Variants in GYPC observed in about 807,000 individuals in gnomAD.
The protein encoded by GYPC is glycophorin C (Gerbich blood group).
In GYPC, 14 loss-of-function variants were observed where a neutral mutation model predicts 12.6. The ratio of observed to expected loss-of-function variants is 1.11; its 90% CI spans 0.74 to 1.74. The LOEUF is 1.74. Among genes scored for constraint, GYPC ranks in the 40% most tolerant of loss-of-function variants. The pLI, the probability that GYPC is intolerant of heterozygous loss-of-function variation, is 0.00. For synonymous variants in GYPC, 78 were observed against 62.1 expected (o/e 1.26, Z -1.20); for missense variants, 225 against 172.1 (o/e 1.31, Z -1.72).
At chr2:126,680,858 G>A (rs1277979628) in intron 1 of GYPC, among the ~76,000 whole-genome samples, 1 of 152,206 alleles carries the variant, frequency 6.6e-6, no homozygotes, top group Non-Finnish European at 1.5e-5. Flanking sequence ...AGAGAGGGTG[G>A]TCATGGTCCT....
intron 1 of GYPC, among the ~76,000 whole-genome samples, chr2:126,677,210 T>C (rs1178022718): frequency 6.6e-6 from 1 of 151,996 alleles, no homozygotes; most frequent in Non-Finnish European, 1.5e-5. Flanking sequence ...TGTGCATGTG[T>C]GCCTGTGTGT....
At position 126,656,271 on chromosome 2, in the gene GYPC, C is replaced by G; in HGVS notation, c.8C>G (p.Ser3Trp). ...CCGGGCTGACGCCCAGGAATGTGGT[C>G]GACGAGAAGCCCCAACAGCACGGCG... MW[S>W]TRSPNSTAWP... Residue 3 changes from serine (S) to tryptophan (W), a missense_variant, in exon 1 of 4, where the codon TCG becomes TGG. Physicochemically the swap from Ser to Trp is radical, Grantham distance 177. Coordinates refer to ENST00000259254, the MANE Select transcript of GYPC (RefSeq NM_002101.5). 7 of 1,603,522 alleles carry G rather than the reference C, an allele frequency of 4.4e-6. No individual in the cohort carries two copies. Among genetic ancestry groups the G allele is most frequent in the Non-Finnish European group, 5.1e-6 (6 of 1,176,670 alleles).
rs555454028 is a variant in GYPC, at chr2:126,695,110, G to C, written c.191-836G>C. ...CAGGAGGGAATGGGAGCAGGGTAGG[G>C]TGAGGAGCAGCCATCAGGCCATTGA... On this transcript the variant is annotated intron_variant, in intron 3 of 3. Transcript: ENST00000259254. Among the ~76,000 whole-genome samples, 274 of 152,308 alleles carry C rather than the reference G, an allele frequency of 1.8e-3. 2 individuals are homozygous for C. The highest frequency in any genetic ancestry group is 5.9e-3 in the African/African-American group (244 of 41,560).
intron 1 of GYPC, among the ~76,000 whole-genome samples, chr2:126,662,477 A>G (rs1682560512): frequency 2.0e-5 from 3 of 152,108 alleles, no homozygotes; most frequent in African/African-American, 7.2e-5. Context: ...AAATCTGAGG[A>G]TGAGGTTTTG....
intron 2 of GYPC, among the ~76,000 whole-genome samples, chr2:126,691,124 C>T (rs1379978094): frequency 6.6e-6 from 1 of 152,116 alleles, no homozygotes; most frequent in Non-Finnish European, 1.5e-5. Context: ...GGAAATTGTT[C>T]TATAAAGGTG....
intron 1 of GYPC, among the ~76,000 whole-genome samples, chr2:126,676,637 A>G (rs1011350979): frequency 1.3e-5 from 2 of 152,204 alleles, no homozygotes; most frequent in African/African-American, 4.8e-5. Context: ...TTGGGCAAAT[A>G]TAAATCACAA....
chr2:126,679,177 G>A (rs1683092367), intron 1 of GYPC, among the ~76,000 whole-genome samples: 4 of 152,130 alleles, frequency 2.6e-5, no homozygotes, highest in Admixed American at 1.3e-4. Context: ...TACCTCGAAG[G>A]GCACCCAAAT....
At chr2:126,676,912 C>T (rs910704599) in intron 1 of GYPC, among the ~76,000 whole-genome samples, 13 of 152,146 alleles carry the variant, frequency 8.5e-5, no homozygotes. Context: ...AGCTTCTTTC[C>T]TGCCCTGATA....
At chr2:126,668,307 TG>T (rs1682743016) in intron 1 of GYPC, among the ~76,000 whole-genome samples, 2 of 152,224 alleles carry the variant, frequency 1.3e-5, no homozygotes, top group Admixed American at 1.3e-4. Flanking sequence ...GAATAAGGCC[TG>T]GTGGCCACAC....
intron 2 of GYPC, among the ~76,000 whole-genome samples, chr2:126,691,616 G>A (rs1220133536): frequency 6.6e-6 from 1 of 152,108 alleles, no homozygotes; most frequent in East Asian, 1.9e-4. Flanking sequence ...CCTGTATAGT[G>A]TACATACAGC....
chr2:126,656,500 G>A (rs1682360540), intron 1 of GYPC, among the ~76,000 whole-genome samples, 188 bp downstream of exon 1: 1 of 152,310 alleles, frequency 6.6e-6, no homozygotes, highest in African/African-American at 2.4e-5. Context: ...TGGGCTGCGC[G>A]GAGTCCCTGT....
intron 1 of GYPC, among the ~76,000 whole-genome samples, chr2:126,662,359 T>C (rs1425296084): frequency 1.3e-5 from 2 of 152,208 alleles, no homozygotes; most frequent in Non-Finnish European, 2.9e-5. Flanking sequence ...ACACAGGCCT[T>C]AGCAATGCTT....
intron 1 of GYPC, among the ~76,000 whole-genome samples, chr2:126,677,315 GAGAATGTGTGTGATAGTGTGTAAGAA>G (rs1297747941): frequency 6.6e-6 from 1 of 150,928 alleles, no homozygotes; most frequent in Non-Finnish European, 1.5e-5. Flanking sequence ...GAGTGTGTGT[GAGAATGTGTGTGATAGTGTGTAAGAA>G]AGAATGTGTG....
chr2:126,686,719 G>A, intron 1 of GYPC: 1 of 984,744 alleles, frequency 1.0e-6, no homozygotes, highest in Non-Finnish European at 1.2e-6. Flanking sequence ...TAGGATGCTT[G>A]GGTCTTTCCA....
intron 1 of GYPC, chr2:126,686,163 C>T (rs1410165659): frequency 4.1e-6 from 4 of 985,294 alleles, no homozygotes; most frequent in Admixed American, 6.1e-5. Flanking sequence ...AGAAGAGAGG[C>T]TCTTGGTGGC....
intron 1 of GYPC, among the ~76,000 whole-genome samples, chr2:126,665,528 C>T (rs12692115): frequency 0.14 from 20,773 of 152,184 alleles, 1,893 homozygotes; most frequent in African/African-American, 0.26. Flanking sequence ...AGTGGCAGCT[C>T]GAAGGGAGAT....
chr2:126,680,480 C>G (rs998003747), intron 1 of GYPC: 2 of 152,208 alleles, frequency 1.3e-5, no homozygotes, highest in South Asian at 4.1e-4. Context: ...ACTGGAGACC[C>G]CTGAGAGGAC....
intron 1 of GYPC, among the ~76,000 whole-genome samples, chr2:126,688,699 A>C (rs28387195): frequency 0.014 from 2,158 of 151,778 alleles, 49 homozygotes; most frequent in African/African-American, 0.047. Context: ...CCCAGACACC[A>C]CTAGCTTGGC....
intron 3 of GYPC, 60 bp from the exon 4 acceptor site, chr2:126,695,886 C>T (rs1683626828): frequency 2.7e-5 from 37 of 1,371,400 alleles, no homozygotes; most frequent in Non-Finnish European, 3.9e-5. Context: ...GTCTTGACCA[C>T]CATCCCAGGC....
Sources: allele counts gnomAD v4.1 joint callset (sites outside exome capture counted in the v4.1 genomes callset), GRCh38; gene constraint gnomAD v4.1.1; transcripts MANE v1.5; gene names NCBI Gene and HGNC (gene_info 2026-07-23, HGNC 2026-07-21).